The following DPYSL3 variants were observed in gnomAD, a reference collection of about 807,000 sequenced individuals.
DPYSL3 encodes dihydropyrimidinase like 3.
In DPYSL3, 16 loss-of-function variants were observed where a neutral mutation model predicts 66.1. The ratio of observed to expected loss-of-function variants is 0.24; its 90% CI spans 0.16 to 0.37. The LOEUF is 0.37. DPYSL3 is among the 10% of genes least tolerant of loss of function. The probability of loss-of-function intolerance (pLI) is 1.00; values close to 1 mark genes in which losing one functional copy is unlikely to be tolerated. For missense variants in DPYSL3, 738 were observed against 916.2 expected (o/e 0.81, Z 2.51); for synonymous variants, 338 against 345.1 (o/e 0.98, Z 0.23).
chr5:147,505,839 T>C (rs1753678734), intron 1 of DPYSL3, among the ~76,000 whole-genome samples: 1 of 152,132 alleles, frequency 6.6e-6, no homozygotes, highest in Non-Finnish European at 1.5e-5. Flanking sequence ...CTGTCCTTGC[T>C]CTGAATAATA....
At chr5:147,502,376 TACACAC>T (rs10561693) in intron 1 of DPYSL3, among the ~76,000 whole-genome samples, 3 of 149,390 alleles carry the variant, frequency 2.0e-5, no homozygotes, top group Non-Finnish European at 3.0e-5. Context: ...ATGTCACAGA[TACACAC>T]ACACACACAC....
intron 1 of DPYSL3, among the ~76,000 whole-genome samples, chr5:147,431,603 CA>C (rs1478429226): frequency 7.2e-5 from 11 of 152,254 alleles, no homozygotes; most frequent in Admixed American, 2.6e-4. Context: ...TCCTCTCTCA[CA>C]AATACTCAAG....
intron 1 of DPYSL3, among the ~76,000 whole-genome samples, chr5:147,500,368 C>T (rs990962140): frequency 4.7e-4 from 72 of 152,084 alleles, no homozygotes; most frequent in Admixed American, 4.0e-3. Flanking sequence ...AATCCCAGTA[C>T]TTTGGGAGGC....
In DPYSL3 at chr5:147,415,768, T is replaced by C. The variant is rs750552836; in HGVS notation, c.761A>G (p.Asp254Gly). Residue 254 changes from aspartate (D) to glycine (G), a missense_variant, in exon 4 of 14, where the codon GAC becomes GGC. By Grantham distance (94) the Asp-to-Gly change is moderately conservative. Transcript: ENST00000343218. The stretch of plus-strand genomic sequence containing the variant: ...GACGCTGTCATTCCAGTGGGTGATG[T>C]CCACATGCAGGGCATAGTCACAGCA... The part of the protein sequence containing the change: ...KSCCDYALHV[D>G]ITHWNDSVKQ... 1 of 1,613,902 alleles carries C rather than the reference T, an allele frequency of 6.2e-7. No individual in the cohort carries two copies. Among genetic ancestry groups the C allele is most frequent in the Non-Finnish European group, 8.5e-7 (1 of 1,179,976 alleles).
chr5:147,398,651 TC>T, intron 11 of DPYSL3, among the ~76,000 whole-genome samples: 1 of 152,324 alleles, frequency 6.6e-6, no homozygotes, highest in East Asian at 1.9e-4. Flanking sequence ...TATTTCCTAT[TC>T]TTTCCCTTTC....
At chr5:147,495,783 T>C (rs950609248) in intron 1 of DPYSL3, among the ~76,000 whole-genome samples, 9 of 152,214 alleles carry the variant, frequency 5.9e-5, no homozygotes, top group African/African-American at 1.9e-4. Context: ...TCCATGTTCA[T>C]GTGTAGGAAG....
intron 1 of DPYSL3, among the ~76,000 whole-genome samples, chr5:147,493,853 A>C (rs1013016821): frequency 5.3e-5 from 8 of 152,232 alleles, no homozygotes; most frequent in African/African-American, 1.9e-4. Flanking sequence ...AACTAGAAAT[A>C]AATAACAGAG....
At chr5:147,458,032 GT>G (rs763615342) in intron 1 of DPYSL3, among the ~76,000 whole-genome samples, 1 of 152,158 alleles carries the variant, frequency 6.6e-6, no homozygotes, top group Non-Finnish European at 1.5e-5. Flanking sequence ...TTCCAGGACA[GT>G]AAAGGAACTA....
At chr5:147,473,937 TA>T (rs1052002341) in intron 1 of DPYSL3, among the ~76,000 whole-genome samples, 1 of 152,154 alleles carries the variant, frequency 6.6e-6, no homozygotes, top group Non-Finnish European at 1.5e-5. Flanking sequence ...TACTGTAACT[TA>T]AATGCAGTGT....
At chr5:147,480,307 T>C (rs750812683) in intron 1 of DPYSL3, among the ~76,000 whole-genome samples, 8 of 152,164 alleles carry the variant, frequency 5.3e-5, no homozygotes, top group Non-Finnish European at 8.8e-5. Context: ...TCCTCCAAAA[T>C]CTGGGCAATG....
intron 1 of DPYSL3, among the ~76,000 whole-genome samples, chr5:147,454,629 C>G (rs934123591): frequency 6.6e-6 from 1 of 152,198 alleles, no homozygotes; most frequent in African/African-American, 2.4e-5. Flanking sequence ...AGCCCAGACA[C>G]GTTCCTGGTG....
chr5:147,411,158 C>G (rs140083320), intron 6 of DPYSL3, among the ~76,000 whole-genome samples: 1 of 152,154 alleles, frequency 6.6e-6, no homozygotes, highest in African/African-American at 2.4e-5. Flanking sequence ...TTGCCTCCCA[C>G]GGGACCAAGG....
intron 1 of DPYSL3, among the ~76,000 whole-genome samples, chr5:147,506,959 G>A (rs947500749): frequency 1.3e-5 from 2 of 152,062 alleles, no homozygotes; most frequent in Non-Finnish European, 2.9e-5. Flanking sequence ...CATGGTTTTC[G>A]GCCAATGAAA....
intron 1 of DPYSL3, among the ~76,000 whole-genome samples, chr5:147,477,516 G>A (rs919903194): frequency 3.0e-5 from 4 of 134,650 alleles, no homozygotes; most frequent in African/African-American, 5.4e-5. Flanking sequence ...CTCAGATTCA[G>A]AAAGTACATT....
chr5:147,427,624 G>A lies in DPYSL3; in HGVS notation c.382-2661C>T, dbSNP rs182910769. The stretch of plus-strand genomic sequence containing the variant: ...TTAGAAAAATACATATTCCCAGGCT[G>A]TGCTCTACATCACCAAATCTGCATT... On this transcript the variant is annotated intron_variant, in intron 1 of 13. Transcript: ENST00000343218. Among the ~76,000 whole-genome samples, 7 of 152,278 alleles carry A rather than the reference G, an allele frequency of 4.6e-5. No individual in the cohort carries two copies. In the East Asian group the frequency reaches 9.6e-4, roughly 21 times the overall value.
intron 1 of DPYSL3, among the ~76,000 whole-genome samples, chr5:147,456,934 G>A (rs1354330412): frequency 6.6e-6 from 1 of 151,992 alleles, no homozygotes; most frequent in Non-Finnish European, 1.5e-5. Context: ...CTCCTCTCAT[G>A]ATTTGCAAAG....
At chr5:147,407,118 T>A (rs1292068739) in intron 7 of DPYSL3, among the ~76,000 whole-genome samples, 2 of 152,096 alleles carry the variant, frequency 1.3e-5, no homozygotes, top group Non-Finnish European at 2.9e-5. Flanking sequence ...AGGGGCTGGC[T>A]CCTCCTATGA....
At chr5:147,464,546 T>C (rs1752984157) in intron 1 of DPYSL3, among the ~76,000 whole-genome samples, 1 of 152,190 alleles carries the variant, frequency 6.6e-6, no homozygotes, top group African/African-American at 2.4e-5. Flanking sequence ...GTAAGGCTGC[T>C]GTTACACGAT....
At chr5:147,395,256 A>G (rs1380013703) in intron 13 of DPYSL3, among the ~76,000 whole-genome samples, 1 of 152,224 alleles carries the variant, frequency 6.6e-6, no homozygotes, top group African/African-American at 2.4e-5. Context: ...GGAAATCACT[A>G]TCAATTCATA....
Sources: allele counts gnomAD v4.1 joint callset (sites outside exome capture counted in the v4.1 genomes callset), GRCh38; gene constraint gnomAD v4.1.1; transcripts MANE v1.5; gene names NCBI Gene and HGNC (gene_info 2026-07-23, HGNC 2026-07-21).